LRMDA: variants seen among roughly 807,000 people sequenced by gnomAD.
LRMDA encodes leucine-rich melanocyte differentiation-associated protein.
LRMDA carries 18 observed loss-of-function variants against 29.8 expected under a neutral mutation model. The observed-to-expected ratio is 0.60, with a 90% CI of 0.42 to 0.90. The LOEUF is 0.90. LRMDA is among the 40% of genes least tolerant of loss of function. The pLI, the probability that LRMDA is intolerant of heterozygous loss-of-function variation, is 0.00. For missense variants in LRMDA, 273 were observed against 273.9 expected, an observed-to-expected ratio of 1.00 and a Z score of 0.02; for synonymous variants, 125 against 109.4, an observed-to-expected ratio of 1.14 and a Z score of -0.89.
At chr10:75,783,092 A>G in intron 2 of LRMDA, 1 of 1,572,952 alleles carries the variant, frequency 6.4e-7, no homozygotes, top group Non-Finnish European at 8.7e-7. Context: ...AATAGCAATG[A>G]TGAAGGCTGG....
chr10:75,694,768 G>T (rs912985011), intron 2 of LRMDA, among the ~76,000 whole-genome samples: 1 of 152,164 alleles, frequency 6.6e-6, no homozygotes, highest in Non-Finnish European at 1.5e-5. Context: ...TAGTGACACA[G>T]TATTTAAGAT....
At chr10:76,270,956 A>G (rs901901400) in intron 5 of LRMDA, among the ~76,000 whole-genome samples, 3 of 152,212 alleles carry the variant, frequency 2.0e-5, no homozygotes, top group Admixed American at 2.0e-4. Flanking sequence ...ATCAATAACA[A>G]TTATTATTTT....
intron 5 of LRMDA, among the ~76,000 whole-genome samples, chr10:76,090,589 A>G (rs184818261): frequency 2.6e-5 from 4 of 152,338 alleles, no homozygotes; most frequent in African/African-American, 9.6e-5. Context: ...CCATGTTCGT[A>G]GCAGCATTAT....
At chr10:75,817,262 G>A (rs1169439310) in intron 2 of LRMDA, among the ~76,000 whole-genome samples, 1 of 152,214 alleles carries the variant, frequency 6.6e-6, no homozygotes, top group Non-Finnish European at 1.5e-5. Flanking sequence ...ATGCCTAACA[G>A]TTAGAAGGAG....
chr10:75,935,234 G>A lies in LRMDA; in HGVS notation c.132-100774G>A, dbSNP rs911377948. Among the ~76,000 whole-genome samples the A allele has an allele frequency of 1.8e-4, 27 of 152,176 alleles. 1 individual carries two copies. The highest frequency in any genetic ancestry group is 1.5e-5 in the Non-Finnish European group (1 of 68,024). On this transcript the variant is annotated intron_variant, in intron 2 of 6. Transcript: ENST00000611255. ...GGGCAAGGGTGAAAAATTTAAAACTGCCCAAGATGGATAGTGAAAACACCA... is the reference window on the plus strand; with the variant it reads ...GGGCAAGGGTGAAAAATTTAAAACTACCCAAGATGGATAGTGAAAACACCA...
intron 2 of LRMDA, among the ~76,000 whole-genome samples, chr10:76,013,688 C>T (rs932209625): frequency 7.2e-5 from 11 of 151,806 alleles, no homozygotes; most frequent in South Asian, 2.1e-4. Context: ...GGGGGAAGGC[C>T]GAGGAAGAGT....
chr10:76,090,510 C>A (rs545803948), intron 5 of LRMDA, among the ~76,000 whole-genome samples: 1 of 152,154 alleles, frequency 6.6e-6, no homozygotes, highest in African/African-American at 2.4e-5. Flanking sequence ...CTATATGATC[C>A]GGCAATTCTG....
At chr10:75,852,153 A>G (rs1188197825) in intron 2 of LRMDA, among the ~76,000 whole-genome samples, 1 of 152,346 alleles carries the variant, frequency 6.6e-6, no homozygotes, top group Non-Finnish European at 1.5e-5. Flanking sequence ...GCCCTGAGCC[A>G]TTTCATCATC....
At chr10:76,128,144 A>G (rs764787436) in intron 5 of LRMDA, among the ~76,000 whole-genome samples, 3 of 152,198 alleles carry the variant, frequency 2.0e-5, no homozygotes, top group Non-Finnish European at 4.4e-5. Context: ...TTCTTTTGCC[A>G]TGGAATTCAG....
intron 6 of LRMDA, among the ~76,000 whole-genome samples, chr10:76,374,123 C>T (rs190269931): frequency 7.2e-5 from 11 of 152,306 alleles, no homozygotes; most frequent in East Asian, 3.9e-4. Context: ...TTCACACTAA[C>T]GGATCATTCA....
intron 2 of LRMDA, among the ~76,000 whole-genome samples, chr10:75,863,518 A>G (rs1337228035): frequency 6.6e-6 from 1 of 152,164 alleles, no homozygotes; most frequent in African/African-American, 2.4e-5. Flanking sequence ...TCCTAGCTGT[A>G]CTGCCTACCG....
At chr10:76,129,128 G>A (rs1193946821) in intron 5 of LRMDA, among the ~76,000 whole-genome samples, 1 of 152,184 alleles carries the variant, frequency 6.6e-6, no homozygotes, top group African/African-American at 2.4e-5. Context: ...CATCATTCCA[G>A]TGTGCTTCCT....
At chr10:76,108,068 G>C (rs900122799) in intron 5 of LRMDA, among the ~76,000 whole-genome samples, 2 of 152,172 alleles carry the variant, frequency 1.3e-5, no homozygotes, top group Admixed American at 6.5e-5. Context: ...AGAAATTAGG[G>C]AAGTAAGAAA....
intron 6 of LRMDA, among the ~76,000 whole-genome samples, chr10:76,394,946 C>T (rs926166151): frequency 1.3e-5 from 2 of 152,112 alleles, no homozygotes; most frequent in Non-Finnish European, 2.9e-5. Flanking sequence ...ATCAAAACAG[C>T]AAAAGAGATG....
Position 76,247,756 on chromosome 10 carries a change from AC to A in LRMDA, c.517-76644del, listed in dbSNP as rs374010178. Among the ~76,000 whole-genome samples, 376 of 152,204 alleles carry A rather than the reference AC, an allele frequency of 2.5e-3. 3 individuals carry two copies. The highest frequency in any genetic ancestry group is 8.6e-3 in the African/African-American group (359 of 41,546). On this transcript the variant is annotated intron_variant, in intron 5 of 6. Transcript: ENST00000611255. The stretch of plus-strand genomic sequence containing the variant: ...GTTCTGGTCAGTAGGGCGTTAGCAA[AC>A]ATGATGTATCAGAGGCTTAGAAAGC...
chr10:75,538,377 A>G (rs902166090), intron 2 of LRMDA, among the ~76,000 whole-genome samples: 2 of 152,312 alleles, frequency 1.3e-5, no homozygotes, highest in South Asian at 2.1e-4. Flanking sequence ...CGCATTTCAC[A>G]TAGCATGCCT....
At chr10:76,245,783 A>G (rs1179294195) in intron 5 of LRMDA, among the ~76,000 whole-genome samples, 1 of 152,234 alleles carries the variant, frequency 6.6e-6, no homozygotes, top group African/African-American at 2.4e-5. Context: ...TGCATTGTAT[A>G]CAATACACCA....
intron 5 of LRMDA, among the ~76,000 whole-genome samples, chr10:76,192,344 C>T (rs1161283241): frequency 1.3e-5 from 2 of 152,144 alleles, no homozygotes; most frequent in Non-Finnish European, 2.9e-5. Flanking sequence ...CTGTCCAGTT[C>T]TTTATTTAAC....
chr10:76,408,082 A>G (rs1449816288), intron 6 of LRMDA, among the ~76,000 whole-genome samples: 2 of 152,224 alleles, frequency 1.3e-5, no homozygotes, highest in Non-Finnish European at 2.9e-5. Flanking sequence ...TTTTTATTAT[A>G]TTCAGCACCT....
Sources: gnomAD v4.1 joint callset for allele counts (sites outside exome capture counted in the v4.1 genomes callset) on GRCh38, gnomAD v4.1.1 for gene constraint, MANE v1.5 for transcripts, NCBI Gene and HGNC (gene_info 2026-07-23, HGNC 2026-07-21) for gene names.